The following JAK1 variants were observed in gnomAD, a reference collection of about 807,000 sequenced individuals.
JAK1 encodes the protein Janus kinase 1.
JAK1 carries 16 observed loss-of-function variants against 136.6 expected under a neutral mutation model. The observed-to-expected ratio is 0.12, with a 90% CI of 0.08 to 0.18. The LOEUF (loss-of-function observed/expected upper bound fraction) is 0.18, where lower values mean the gene tolerates loss of function less well. JAK1 is among the 10% of genes least tolerant of loss of function. The pLI is 1.00. For synonymous variants in JAK1, 492 were observed against 519.5 expected (o/e 0.95, Z 0.72); for missense variants, 859 against 1,450.1 (o/e 0.59, Z 6.62).
At chr1:64,898,661 G>A (rs373945793) in intron 1 of JAK1, among the ~76,000 whole-genome samples, 1 of 152,132 alleles carries the variant, frequency 6.6e-6, no homozygotes, top group Non-Finnish European at 1.5e-5. Context: ...TGGACTCAAG[G>A]GTGTGGGAGA....
intron 1 of JAK1, among the ~76,000 whole-genome samples, chr1:65,063,746 A>G (rs1042665359): frequency 6.7e-6 from 1 of 149,828 alleles, no homozygotes; most frequent in Non-Finnish European, 1.5e-5. Flanking sequence ...TGGAGGTTGC[A>G]GTGAGCCAAG....
At chr1:65,066,198 G>A (rs1447035825) in intron 1 of JAK1, among the ~76,000 whole-genome samples, 2 of 152,168 alleles carry the variant, frequency 1.3e-5, no homozygotes, top group Non-Finnish European at 1.5e-5. Flanking sequence ...GTAGCAGAGT[G>A]AGGGAAAGAA....
intron 1 of JAK1, among the ~76,000 whole-genome samples, chr1:65,057,117 G>A (rs941944348): frequency 6.6e-6 from 1 of 152,078 alleles, no homozygotes; most frequent in African/African-American, 2.4e-5. Context: ...CATGAGCCTA[G>A]GATGAGGTAA....
At chr1:64,987,158 C>T (rs1176993916) in intron 2 of JAK1, 1 of 152,202 alleles carries the variant, frequency 6.6e-6, no homozygotes, top group East Asian at 1.9e-4. Flanking sequence ...TCAAGGTAGG[C>T]AGAATTCCTC....
intron 1 of JAK1, among the ~76,000 whole-genome samples, chr1:64,957,195 A>C (rs563599694): frequency 3.3e-5 from 5 of 152,192 alleles, no homozygotes; most frequent in African/African-American, 1.2e-4. Context: ...AAGAGGAAAG[A>C]GAGGAGAGGT....
Position 64,916,047 on chromosome 1 carries a change from T to C in JAK1, c.-77-29706A>G, listed in dbSNP as rs1257014306. Among the ~76,000 whole-genome samples the C allele has an allele frequency of 1.3e-5, 2 of 152,162 alleles. 1 individual carries two copies. The highest frequency in any genetic ancestry group is 4.1e-4 in the South Asian group (2 of 4,826). ...CAGAGGCTGGGAGTTCCCCAATGAA[T>C]GGCTCACTCTTAGTGACGTTCAAAG... On this transcript the variant is annotated intron_variant, in intron 1 of 24. Transcript: ENST00000342505.
intron 1 of JAK1, among the ~76,000 whole-genome samples, chr1:64,909,187 T>C (rs1041624): frequency 0.78 from 118,691 of 152,132 alleles, 47,604 homozygotes; most frequent in Non-Finnish European, 0.88. Context: ...CTGCTTGGTA[T>C]TTAATGGTGT....
At chr1:64,952,828 C>CAAACACACACATACAT (rs1553173976) in intron 1 of JAK1, among the ~76,000 whole-genome samples, 2 of 152,184 alleles carry the variant, frequency 1.3e-5, no homozygotes, top group African/African-American at 4.8e-5. Flanking sequence ...CAAATACAGA[C>CAAACACACACATACAT]AAACACACAC....
chr1:64,968,335 A>G (rs1188350561), upstream of JAK1, among the ~76,000 whole-genome samples: 1 of 152,174 alleles, frequency 6.6e-6, no homozygotes, highest in Non-Finnish European at 1.5e-5. Flanking sequence ...TGAATGCTCA[A>G]TGCAGTCAGA....
chr1:64,847,740 T>A, intron 12 of JAK1, 65 bp from the exon 13 acceptor site: 1 of 1,562,938 alleles, frequency 6.4e-7, no homozygotes, highest in African/African-American at 1.4e-5. Context: ...CGTCTGGGAA[T>A]GGGTCCTCAA....
chr1:64,840,372 G>C (rs551280019), intron 19 of JAK1, among the ~76,000 whole-genome samples: 15 of 152,284 alleles, frequency 9.9e-5, no homozygotes, highest in African/African-American at 3.6e-4. Flanking sequence ...GCAGATCCTG[G>C]AGATGTATCA....
intron 4 of JAK1, among the ~76,000 whole-genome samples, chr1:64,878,529 A>C (rs2101205700): frequency 7.0e-6 from 1 of 142,234 alleles, no homozygotes; most frequent in Non-Finnish European, 1.5e-5. Context: ...TAAGAAAAAT[A>C]TTTTATATCA....
At chr1:64,859,272 G>C (rs1360976983) in intron 9 of JAK1, among the ~76,000 whole-genome samples, 1 of 152,216 alleles carries the variant, frequency 6.6e-6, no homozygotes, top group Non-Finnish European at 1.5e-5. Flanking sequence ...TTGCCTGAAG[G>C]GCTGTCATAT....
intron 1 of JAK1, among the ~76,000 whole-genome samples, chr1:64,888,426 C>G (rs531122684): frequency 6.6e-6 from 1 of 152,270 alleles, no homozygotes; most frequent in East Asian, 1.9e-4. Flanking sequence ...GTGATCCGCC[C>G]GCCTCAGCCT....
rs1337752543 is a variant in JAK1, at chr1:64,985,268, G to T, written c.-78+59212C>A. On this transcript the variant is annotated intron_variant, in intron 2 of 25. Coordinates refer to the JAK1 transcript ENST00000671954. ...TTACAGAGAGCTGCTGAGAGAGCTG[G>T]AGCATGATGGAAATGATGATGGGCT... 3.1e-6 allele frequency: 5 copies of T among 1,608,320 alleles called. No homozygotes were observed. In the Admixed American group the frequency reaches 5.0e-5, roughly 16 times the overall value.
intron 11 of JAK1, among the ~76,000 whole-genome samples, chr1:64,855,233 A>C (rs1478466352): frequency 6.6e-6 from 1 of 152,244 alleles, no homozygotes; most frequent in African/African-American, 2.4e-5. Context: ...ATCTTAAGGA[A>C]GAAAGAAGTG....
chr1:64,836,249 CT>C (rs1403477815), intron 22 of JAK1, 34 bp from the exon 23 acceptor site: 3 of 1,222,890 alleles, frequency 2.5e-6, no homozygotes, highest in Non-Finnish European at 3.6e-6. Context: ...ACTTCATTTC[CT>C]GGGAGGCACA....
intron 2 of JAK1, among the ~76,000 whole-genome samples, chr1:64,977,382 G>A (rs1328644734): frequency 6.6e-6 from 1 of 151,952 alleles, no homozygotes; most frequent in East Asian, 1.9e-4. Flanking sequence ...GAACCCCTGG[G>A]CTCAAGCAGT....
chr1:65,032,397 G>A (rs2100816684), intron 2 of JAK1, among the ~76,000 whole-genome samples: 1 of 152,304 alleles, frequency 6.6e-6, no homozygotes. Context: ...ATCAGATACT[G>A]TCTGAGTACT....
Sources: gnomAD v4.1 joint callset for allele counts (sites outside exome capture counted in the v4.1 genomes callset) on GRCh38, gnomAD v4.1.1 for gene constraint, MANE v1.5 for transcripts, NCBI Gene and HGNC (gene_info 2026-07-23, HGNC 2026-07-21) for gene names.